Variants in GPR155 observed in about 807,000 individuals in gnomAD.
The protein encoded by GPR155 is G protein-coupled receptor 155.
In GPR155, 65 loss-of-function variants were observed where a neutral mutation model predicts 93.1. The ratio of observed to expected loss-of-function variants is 0.70; its 90% CI spans 0.57 to 0.86. The LOEUF (loss-of-function observed/expected upper bound fraction) is 0.86, where lower values mean the gene tolerates loss of function less well. Among genes scored for constraint, GPR155 ranks in the 40% least tolerant of loss-of-function variants. GPR155 has a pLI of 0.00. For missense variants in GPR155, 838 were observed against 1,034.8 expected, an observed-to-expected ratio of 0.81 and a Z score of 2.61; for synonymous variants, 319 against 360.1, an observed-to-expected ratio of 0.89 and a Z score of 1.29.
chr2:174,460,099 G>GA lies in GPR155; in HGVS notation c.1561-12dup. 2 of 1,549,674 alleles carry GA rather than the reference G, an allele frequency of 1.3e-6. No individual in the cohort carries two copies. The highest frequency in any genetic ancestry group is 1.7e-6 in the Non-Finnish European group (2 of 1,144,138). ...TGCTGTGGTGATCATCTGCCGACAT[G>GA]AAAAAAAGATATCAGGCCACTTTTC... On this transcript the variant is annotated splice_polypyrimidine_tract_variant and intron_variant, in intron 9 of 15. Transcript: ENST00000392552.
In GPR155 at chr2:174,436,128, G is replaced by T; in HGVS notation, c.2601C>A (p.Ser867=). The T allele has an allele frequency of 1.2e-6, 2 of 1,612,710 alleles. No homozygotes were observed. The highest frequency in any genetic ancestry group is 1.7e-6 in the Non-Finnish European group (2 of 1,178,778). ...TCCCCTGCATAATTTAGGTCTTAGG[G>T]GAATGTGAGGGTGGGGATGAATGCT... ...EIEHSSPPSH[S]PKT The change falls in exon 16 of 16, where the codon TCC becomes TCA. Residue 867 remains serine, a synonymous_variant. Transcript: ENST00000392552.
At chr2:174,462,533 T>A (rs1687729202) in intron 7 of GPR155, among the ~76,000 whole-genome samples, 1 of 152,230 alleles carries the variant, frequency 6.6e-6, no homozygotes, top group African/African-American at 2.4e-5. Flanking sequence ...GGTCTTGAAC[T>A]GCTGGCCTCA....
Position 174,460,068 on chromosome 2 carries a change from G to T in GPR155, c.1581C>A (p.Thr527=). The change falls in exon 10 of 16, where the codon ACC becomes ACA. Residue 527 remains threonine (T), a synonymous_variant. Transcript: ENST00000392552. ...GKEQMITTAV[T]LFCSILIAGI... ...CAGCTATCAGGATGCTGCAGAACAG[G>T]GTGACTGCTGTGGTGATCATCTGCC... 1 of 1,613,626 alleles carries T rather than the reference G, an allele frequency of 6.2e-7. No individual in the cohort carries two copies. The highest frequency in any genetic ancestry group is 8.5e-7 in the Non-Finnish European group (1 of 1,179,862).
chr2:174,468,482 C>T (rs1411344516), intron 5 of GPR155, among the ~76,000 whole-genome samples: 3 of 152,084 alleles, frequency 2.0e-5, no homozygotes, highest in Non-Finnish European at 4.4e-5. Context: ...ACCTTCTGAC[C>T]CCATGATTCT....
intron 2 of GPR155, among the ~76,000 whole-genome samples, chr2:174,474,405 G>T (rs977880217): frequency 2.0e-5 from 3 of 152,176 alleles, no homozygotes; most frequent in African/African-American, 7.2e-5. Flanking sequence ...GAGATAGAAA[G>T]GTGGATCTTA....
chr2:174,454,153 T>A (rs756860112), intron 10 of GPR155, among the ~76,000 whole-genome samples: 5 of 152,190 alleles, frequency 3.3e-5, no homozygotes, highest in Non-Finnish European at 7.3e-5. Flanking sequence ...TTTTTTGTTT[T>A]TTGAGGTGGA....
intron 1 of GPR155, among the ~76,000 whole-genome samples, chr2:174,486,670 G>A (rs992721637): frequency 2.6e-5 from 4 of 152,114 alleles, no homozygotes; most frequent in African/African-American, 9.7e-5. Context: ...CCCCGCGCGA[G>A]CCTTCCCGGG....
Position 174,460,235 on chromosome 2 carries a change from A to G in GPR155, c.1561-147T>C, listed in dbSNP as rs1050310647. ...GAGTGCAGTGACACAATCTCGGCTC[A>G]CTGCAACCTCTTCCTCCCAGGTTCA... On this transcript the variant is annotated intron_variant, in intron 9 of 15. Coordinates refer to ENST00000392552, the MANE Select transcript of GPR155 (RefSeq NM_152529.7). 5 of 548,472 alleles carry G rather than the reference A, an allele frequency of 9.1e-6. No individual in the cohort carries two copies. In the African/African-American group the frequency reaches 1.1e-4, roughly 12 times the overall value. 34.0% of individuals were successfully genotyped at this position (548,472 alleles called of 1,614,324 possible).
chr2:174,460,309 C>T (rs540596140), intron 9 of GPR155, among the ~76,000 whole-genome samples: 88 of 151,820 alleles, frequency 5.8e-4, no homozygotes, highest in African/African-American at 2.1e-3. Context: ...TACAGGCGCC[C>T]GCCACCACAA....
In GPR155 at chr2:174,470,468, A is replaced by G. The variant is rs771330586; in HGVS notation, c.948T>C (p.Tyr316=). The part of the protein sequence containing the change: ...SVVNHTSLSN[Y]AFLYGVFPVA... ...CAGGAAATACACCATACAGAAATGC[A>G]TAATTTGATAAACTTGTATGGTTCA... The change falls in exon 4 of 16, where the codon TAT becomes TAC. Residue 316 remains tyrosine, a synonymous_variant. Transcript: ENST00000392552. The G allele has an allele frequency of 1.1e-5, 18 of 1,613,668 alleles. No homozygotes were observed. The East Asian group carries it at 4.0e-4, about 36-fold the overall frequency.
At position 174,484,820 on chromosome 2, in the gene GPR155, A is replaced by G. The variant is rs576444387; in HGVS notation, c.-32+2053T>C. ...GTGCCTGTTGTCCCAGCTACCTGGGAGGCTGAGGTGGGAGGATCACCTGAG... is the reference window on the plus strand; with the variant it reads ...GTGCCTGTTGTCCCAGCTACCTGGGGGGCTGAGGTGGGAGGATCACCTGAG... On this transcript the variant is annotated intron_variant, in intron 1 of 15. Transcript: ENST00000392552. Among the ~76,000 whole-genome samples, 3 of 152,276 alleles carry G rather than the reference A, an allele frequency of 2.0e-5. No homozygotes were observed. The East Asian group carries it at 5.8e-4, about 29-fold the overall frequency.
chr2:174,476,390 G>C (rs986027598), intron 2 of GPR155, among the ~76,000 whole-genome samples: 8 of 152,190 alleles, frequency 5.3e-5, no homozygotes, highest in African/African-American at 1.9e-4. Flanking sequence ...CAGATCATGA[G>C]GTCAGGAGTT....
intron 13 of GPR155, among the ~76,000 whole-genome samples, chr2:174,443,092 A>G (rs1687015431): frequency 6.6e-6 from 1 of 152,326 alleles, no homozygotes; most frequent in Non-Finnish European, 1.5e-5. Flanking sequence ...AAGTCAGACT[A>G]TGATTTTTCA....
chr2:174,436,301 C>A lies in GPR155; in HGVS notation c.2428G>T (p.Val810Leu). ...GEAVIYGDRL[V>L]QGGVIQHITN... ...ATATGTTGGATGACTCCCCCTTGTA[C>A]CAGCCTGTCTCCGTATATCACAGCT... The change falls in exon 16 of 16, where the codon GTA (valine) becomes TTA (leucine). Residue 810 changes from valine (V) to leucine (L), a missense_variant. This residue lies in a region of GPR155 where 146 missense variants were observed against 177.5 expected (regional missense o/e 0.82). Coordinates refer to ENST00000392552, the MANE Select transcript of GPR155 (RefSeq NM_152529.7). The A allele has an allele frequency of 6.2e-7, 1 of 1,614,126 alleles. No individual in the cohort carries two copies. The highest frequency in any genetic ancestry group is 8.5e-7 in the Non-Finnish European group (1 of 1,179,980).
chr2:174,465,241 T>A (rs1301564985), intron 7 of GPR155, among the ~76,000 whole-genome samples: 1 of 152,230 alleles, frequency 6.6e-6, no homozygotes, highest in Admixed American at 6.5e-5. Context: ...TTCTATTTAA[T>A]AACTAACATA....
intron 11 of GPR155, among the ~76,000 whole-genome samples, chr2:174,447,509 CAT>C (rs1047001526): frequency 3.0e-4 from 43 of 143,434 alleles, no homozygotes; most frequent in Non-Finnish European, 5.2e-4. Context: ...ATATTATAAT[CAT>C]ATAAATTTAT....
rs1305791275 is a variant in GPR155, at chr2:174,436,361, G to A, written c.2368C>T (p.Leu790=). The A allele has an allele frequency of 6.2e-7, 1 of 1,614,064 alleles. No individual in the cohort carries two copies. Among genetic ancestry groups the A allele is most frequent in the Non-Finnish European group, 8.5e-7 (1 of 1,180,044 alleles). Residue 790 remains leucine (L), a synonymous_variant, in exon 16 of 16, where the codon CTA becomes TTA. Coordinates refer to ENST00000392552, the MANE Select transcript of GPR155 (RefSeq NM_152529.7). ...TCGGAGGCAAGGCCGACTTCAATTA[G>A]CCAGCTCACCAGGTCACAGCCACAG... ...TFCGCDLVSW[L]IEVGLASDRG...
chr2:174,445,287 T>C, intron 12 of GPR155, 111 bp from the exon 13 acceptor site: 1 of 625,782 alleles, frequency 1.6e-6, no homozygotes. Flanking sequence ...GGAAAAAGAC[T>C]AGACGGAAAA....
chr2:174,456,180 G>T (rs1687511976), intron 10 of GPR155, among the ~76,000 whole-genome samples: 1 of 152,054 alleles, frequency 6.6e-6, no homozygotes, highest in Admixed American at 6.6e-5. Flanking sequence ...CAGGAAATCT[G>T]GGATTGGATC....
Sources: allele counts gnomAD v4.1 joint callset (sites outside exome capture counted in the v4.1 genomes callset), GRCh38; gene constraint gnomAD v4.1.1; regional missense constraint gnomAD v4.1.1; transcripts MANE v1.5; gene names NCBI Gene and HGNC (gene_info 2026-07-23, HGNC 2026-07-21).